PDCD11: variants seen among roughly 807,000 people sequenced by gnomAD.
PDCD11 encodes protein RRP5 homolog.
In PDCD11, 97 loss-of-function variants were observed where a neutral mutation model predicts 198.9. That is an observed-to-expected ratio of 0.49 (90% CI 0.41 to 0.58). PDCD11 has a LOEUF of 0.58. PDCD11 is among the 20% of genes least tolerant of loss of function. The probability of loss-of-function intolerance (pLI) is 0.00; values close to 1 mark genes in which losing one functional copy is unlikely to be tolerated. For missense variants in PDCD11, 2,102 were observed against 2,312.7 expected (o/e 0.91, Z 1.87); for synonymous variants, 893 against 918.0 (o/e 0.97, Z 0.49).
At chr10:103,433,211 A>G (rs1447495788) in intron 22 of PDCD11, among the ~76,000 whole-genome samples, 1 of 152,156 alleles carries the variant, frequency 6.6e-6, no homozygotes, top group Admixed American at 6.5e-5. Flanking sequence ...GTATGTATTT[A>G]CGGCCAGGTG....
chr10:103,406,137 G>A (rs373508132), intron 6 of PDCD11, 29 bp downstream of exon 6: 3 of 1,608,404 alleles, frequency 1.9e-6, no homozygotes, highest in South Asian at 1.1e-5. Flanking sequence ...GCCAGTACAT[G>A]GTGGTGAGGT....
In PDCD11 at chr10:103,434,064, G is replaced by T. The variant is rs1179397521; in HGVS notation, c.3564+27G>T. 3.2e-6 allele frequency: 5 copies of T among 1,569,898 alleles called. No individual in the cohort carries two copies. The South Asian group carries it at 3.3e-5, about 10-fold the overall frequency. ...TCAGTGTGCTTGAGATCCCTGGAGA[G>T]GGGACCCAAGTTCCCTAAGCTTGGC... On this transcript the variant is annotated intron_variant, in intron 23 of 35. Coordinates refer to ENST00000369797, the MANE Select transcript of PDCD11 (RefSeq NM_014976.2).
intron 13 of PDCD11, 148 bp from the exon 14 acceptor site, chr10:103,417,644 A>T: frequency 1.3e-6 from 1 of 761,126 alleles, no homozygotes; most frequent in Non-Finnish European, 2.2e-6. Flanking sequence ...TGTAGCTCTC[A>T]GTGCATTTCT....
At position 103,432,243 on chromosome 10, in the gene PDCD11, T is replaced by A; in HGVS notation, c.3474+9T>A. 1 of 1,571,648 alleles carries A rather than the reference T, an allele frequency of 6.4e-7. No individual in the cohort carries two copies. The highest frequency in any genetic ancestry group is 8.8e-7 in the Non-Finnish European group (1 of 1,141,328). On this transcript the variant is annotated intron_variant, in intron 22 of 35. Transcript: ENST00000369797. ...CTTGCTTCTTAAAGAAAGTAAGTAG[T>A]TTTGCCACTCGGCAATGAGATGTCA...
Position 103,427,489 on chromosome 10 carries a change from T to G in PDCD11, c.3368+98T>G, listed in dbSNP as rs917544650. 16 of 1,035,086 alleles carry G rather than the reference T, an allele frequency of 1.5e-5. No homozygotes were observed. The Admixed American group carries it at 2.3e-4, about 15-fold the overall frequency. 64.1% of individuals were successfully genotyped at this position (1,035,086 alleles called of 1,614,324 possible). ...ATCTTGATTTTACCAGTGTTAGGAT[T>G]GATTTTTGCCTTTCTCTGTCCAAGT... On this transcript the variant is annotated intron_variant, in intron 21 of 35. Coordinates refer to ENST00000369797, the MANE Select transcript of PDCD11 (RefSeq NM_014976.2).
Position 103,443,314 on chromosome 10 carries a change from C to T in PDCD11, c.5105C>T (p.Ala1702Val). Residue 1702 changes from alanine to valine, a missense_variant, in exon 33 of 36, where the codon GCC becomes GTC. By Grantham distance (64) the Ala-to-Val change is moderately conservative. Transcript: ENST00000369797. ...KVFLHLADIY[A>V]KSEKFQEAGE... ...TTTCTCCACCTGGCTGACATCTACG[C>T]CAAGTCAGAGAAATTCCAGGTAGGA... 1.9e-6 allele frequency: 3 copies of T among 1,608,386 alleles called. No individual in the cohort carries two copies. The highest frequency in any genetic ancestry group is 2.6e-6 in the Non-Finnish European group (3 of 1,176,062).
At chr10:103,402,863 A>G (rs552738451) in intron 3 of PDCD11, among the ~76,000 whole-genome samples, 1 of 152,212 alleles carries the variant, frequency 6.6e-6, no homozygotes, top group East Asian at 1.9e-4. Flanking sequence ...ACCTCCGAGT[A>G]CCTGCGACTA....
At chr10:103,429,547 TC>T (rs1379317571) in intron 21 of PDCD11, among the ~76,000 whole-genome samples, 2 of 149,748 alleles carry the variant, frequency 1.3e-5, no homozygotes, top group Non-Finnish European at 3.0e-5. Flanking sequence ...GGCCATCTTC[TC>T]CCCATGTCTT....
chr10:103,417,670 C>A, intron 13 of PDCD11, 122 bp from the exon 14 acceptor site: 1 of 1,030,644 alleles, frequency 9.7e-7, no homozygotes, highest in Non-Finnish European at 1.4e-6. Flanking sequence ...TCACTGCCTC[C>A]TGATCTGATC....
intron 4 of PDCD11, among the ~76,000 whole-genome samples, chr10:103,403,531 A>G (rs1364509122): frequency 6.6e-6 from 1 of 152,216 alleles, no homozygotes; most frequent in Admixed American, 6.5e-5. Context: ...GCAATGTAAT[A>G]TATAACAGAG....
At chr10:103,428,309 G>GAA (rs56689026) in intron 21 of PDCD11, among the ~76,000 whole-genome samples, 51,412 of 143,066 alleles carry the variant, frequency 0.36, 9,346 homozygotes, top group South Asian at 0.5. Flanking sequence ...CGTCTCAAAA[G>GAA]AAAAAAAAAA....
Position 103,403,193 on chromosome 10 carries a change from A to T in PDCD11, c.310A>T (p.Asn104Tyr), listed in dbSNP as rs1394363010. The change falls in exon 4 of 36, where the codon AAT (asparagine) becomes TAT (tyrosine). Residue 104 changes from asparagine to tyrosine, a missense_variant. Physicochemically the swap from Asn to Tyr is moderately radical, Grantham distance 143. Transcript: ENST00000369797. Reference sequence around the variant, plus strand: ...ACTGGAACTGGTGATTAGTCTCCCCAATGGCCTCCAGGGCTTTGTGCAAGT... The same window carrying T: ...ACTGGAACTGGTGATTAGTCTCCCCTATGGCCTCCAGGGCTTTGTGCAAGT... ...NELELVISLP[N>Y]GLQGFVQVTE... 6.2e-7 allele frequency: 1 copy of T among 1,614,162 alleles called. No individual in the cohort carries two copies. Among genetic ancestry groups the T allele is most frequent in the Non-Finnish European group, 8.5e-7 (1 of 1,179,992 alleles).
At position 103,398,481 on chromosome 10, in the gene PDCD11, C is replaced by A. The variant is rs767112957; in HGVS notation, c.55C>A (p.Pro19Thr). The A allele has an allele frequency of 6.2e-7, 1 of 1,614,116 alleles. No individual in the cohort carries two copies. The highest frequency in any genetic ancestry group is 1.1e-5 in the South Asian group (1 of 91,086). ...PRGGTRKIHK[P>T]EKAFQQSVEQ... is the part of the protein sequence containing the mutation. The stretch of plus-strand genomic sequence containing the variant: ...AGGAGGTACAAGAAAGATCCACAAA[C>A]CAGAGAAAGCTTTCCAGCAGTCAGT... The change falls in exon 2 of 36, where the codon CCA becomes ACA. Residue 19 changes from proline to threonine, a missense_variant. By Grantham distance (38) the Pro-to-Thr change is conservative (BLOSUM62 -1). Transcript: ENST00000369797.
chr10:103,418,649 T>C lies in PDCD11; in HGVS notation c.2106+15T>C. ...AGGGGCGTGTTGTATCCTTGACTGGTATCTGTGGAGCAGAGGAAGGTGGGG... is the reference window on the plus strand; with the variant it reads ...AGGGGCGTGTTGTATCCTTGACTGGCATCTGTGGAGCAGAGGAAGGTGGGG... On this transcript the variant is annotated intron_variant, in intron 15 of 35. Transcript: ENST00000369797. The C allele has an allele frequency of 6.2e-7, 1 of 1,609,104 alleles. No individual in the cohort carries two copies. The highest frequency in any genetic ancestry group is 1.3e-5 in the African/African-American group (1 of 74,936).
At chr10:103,426,812 C>T (rs566820817) in intron 20 of PDCD11, among the ~76,000 whole-genome samples, 1 of 150,906 alleles carries the variant, frequency 6.6e-6, no homozygotes, top group African/African-American at 2.4e-5. Context: ...TCAGGTGAGG[C>T]TGGGTGTAGT....
intron 3 of PDCD11, among the ~76,000 whole-genome samples, chr10:103,401,913 T>C (rs926066607): frequency 6.6e-6 from 1 of 152,032 alleles, no homozygotes; most frequent in Admixed American, 6.5e-5. Context: ...CAGCTAAGTT[T>C]TTGTATTTTT....
rs774118714 is a variant in PDCD11, at chr10:103,403,298, C to G, written c.402+13C>G. 3 of 1,602,984 alleles carry G rather than the reference C, an allele frequency of 1.9e-6. No individual in the cohort carries two copies. Among genetic ancestry groups the G allele is most frequent in the Non-Finnish European group, 2.6e-6 (3 of 1,175,044 alleles). On this transcript the variant is annotated intron_variant, in intron 4 of 35. Transcript: ENST00000369797. Reference sequence around the variant, plus strand: ...ACAACCTCTGAAGGTAAGGGAAATCCGAATGAAGCCTGTTATTGAAAATAA... The same window carrying G: ...ACAACCTCTGAAGGTAAGGGAAATCGGAATGAAGCCTGTTATTGAAAATAA...
Position 103,424,920 on chromosome 10 carries a change from G to A in PDCD11, c.2764-64G>A, listed in dbSNP as rs952356381. 1.9e-6 allele frequency: 3 copies of A among 1,565,566 alleles called. No individual in the cohort carries two copies. The African/African-American group carries it at 4.1e-5, about 21-fold the overall frequency. Reference sequence around the variant, plus strand: ...TTCCTCAGCCACACCCTGCCCAGTGGGGCCATGAGTGAGTGACCATGCTGT... The same window carrying A: ...TTCCTCAGCCACACCCTGCCCAGTGAGGCCATGAGTGAGTGACCATGCTGT... On this transcript the variant is annotated intron_variant, in intron 19 of 35. Transcript: ENST00000369797.
intron 32 of PDCD11, 104 bp downstream of exon 32, chr10:103,442,564 G>A: frequency 7.6e-7 from 1 of 1,323,066 alleles, no homozygotes; most frequent in South Asian, 1.4e-5. Flanking sequence ...CAGCATTTTG[G>A]GTGGCTGCCA....
Sources: allele counts gnomAD v4.1 joint callset (sites outside exome capture counted in the v4.1 genomes callset), GRCh38; gene constraint gnomAD v4.1.1; transcripts MANE v1.5; gene names NCBI Gene and HGNC (gene_info 2026-07-23, HGNC 2026-07-21).